Variants in VWDE observed in about 807,000 individuals in gnomAD.
The protein encoded by VWDE is von Willebrand factor D and EGF domain-containing protein.
VWDE carries 207 observed loss-of-function variants against 178.4 expected under a neutral mutation model. The ratio of observed to expected loss-of-function variants is 1.16; its 90% confidence interval spans 1.04 to 1.30. The LOEUF is 1.30. Among genes scored for constraint, VWDE ranks in the 50% most tolerant of loss-of-function variants. VWDE has a pLI of 0.00. For missense variants in VWDE, 2,287 were observed against 1,901.3 expected (o/e 1.20, Z -3.77); for synonymous variants, 738 against 651.4 (o/e 1.13, Z -2.02).
At chr7:12,379,655 C>A in intron 5 of VWDE, 89 bp from the exon 6 acceptor site, 3 of 851,848 alleles carry the variant, frequency 3.5e-6, no homozygotes, top group South Asian at 1.9e-5. Flanking sequence ...AAATTTAATT[C>A]TTCATAGATA....
At chr7:12,359,791 G>C in intron 15 of VWDE, 99 bp from the exon 16 acceptor site, 1 of 665,606 alleles carries the variant, frequency 1.5e-6, no homozygotes, top group South Asian at 2.2e-5. Context: ...TGATTCCAAC[G>C]AAAGCACATA....
rs1783302895 is a variant in VWDE at position 12,373,113 on chromosome 7, T to C, written c.1451A>G (p.Gln484Arg). 6.4e-7 allele frequency: 1 copy of C among 1,551,264 alleles called. No individual in the cohort carries two copies. Among genetic ancestry groups the C allele is most frequent in the Admixed American group, 2.0e-5 (1 of 50,948 alleles). Reference protein sequence around the residue: ...PVSCNCGFVAQEGGDIVTFDM... With the variant: ...PVSCNCGFVAREGGDIVTFDM... The stretch of plus-strand genomic sequence containing the variant: ...AAAAGTAACTATATCACCTCCTTCC[T>C]GGGCAACAAACCCACAATTACATGA... The change falls in exon 10 of 29, where the codon CAG (glutamine) becomes CGG (arginine). Residue 484 changes from glutamine to arginine, a missense_variant. Transcript: ENST00000275358.
Position 12,403,864 on chromosome 7 carries a change from C to A in VWDE, c.-148G>T. The stretch of plus-strand genomic sequence containing the variant: ...AACAGGGAAGCTCCGCGTCCTCGTT[C>A]TGGGGTGCACCCAGTCCTTTCGTGG... On this transcript the variant is annotated 5_prime_UTR_variant, in exon 1 of 29. Transcript: ENST00000275358. The A allele has an allele frequency of 1.3e-6, 1 of 774,606 alleles. No homozygotes were observed. Among genetic ancestry groups the A allele is most frequent in the South Asian group, 1.9e-5 (1 of 53,702 alleles). The allele number at this position is 774,606 out of a possible 1,614,324, so 48.0% of individuals were successfully genotyped here.
intron 3 of VWDE, among the ~76,000 whole-genome samples, chr7:12,384,705 C>T (rs114330277): frequency 6.6e-6 from 1 of 151,988 alleles, no homozygotes; most frequent in East Asian, 1.9e-4. Flanking sequence ...AATCAATTCC[C>T]CATACTCATT....
chr7:12,358,235 A>T (rs899646844), intron 16 of VWDE, among the ~76,000 whole-genome samples: 4 of 152,016 alleles, frequency 2.6e-5, no homozygotes, highest in Non-Finnish European at 5.9e-5. Flanking sequence ...ATTAGCAGGC[A>T]TGGTGGTGGG....
In VWDE at chr7:12,380,674, A is replaced by T; in HGVS notation, c.601T>A (p.Leu201Met). ...CTACAGAAAAGCCTGGACTCAATCA[A>T]CTCCACCAGAACCTCTGGCCTTCCT... ...PAGRPEVLVELIESRLFCRCS... is the reference protein window; with the variant it reads ...PAGRPEVLVEMIESRLFCRCS... The change falls in exon 5 of 29, where the codon TTG (leucine) becomes ATG (methionine). Residue 201 changes from leucine to methionine, a missense_variant. Transcript: ENST00000275358. The T allele has an allele frequency of 6.4e-7, 1 of 1,551,940 alleles. No individual in the cohort carries two copies. Among genetic ancestry groups the T allele is most frequent in the African/African-American group, 1.4e-5 (1 of 73,100 alleles).
At chr7:12,389,045 C>T (rs559624341) in intron 3 of VWDE, 82 bp downstream of exon 3, 1 of 989,630 alleles carries the variant, frequency 1.0e-6, no homozygotes, top group East Asian at 2.6e-5. Context: ...TTTGCACTAA[C>T]TCAATACAAC....
intron 1 of VWDE, among the ~76,000 whole-genome samples, chr7:12,402,423 A>G (rs1419292650): frequency 6.6e-6 from 1 of 152,218 alleles, no homozygotes; most frequent in East Asian, 1.9e-4. Flanking sequence ...ATTAAACATA[A>G]AGAACTTGAC....
At chr7:12,358,120 T>A (rs190167390) in intron 16 of VWDE, among the ~76,000 whole-genome samples, 3 of 152,260 alleles carry the variant, frequency 2.0e-5, no homozygotes, top group African/African-American at 7.2e-5. Flanking sequence ...CTCACACCTG[T>A]AATCCCAGTA....
rs1781695474 is a variant in VWDE, at chr7:12,347,854, T to G, written c.3887-3385A>C. On this transcript the variant is annotated intron_variant, in intron 19 of 28. Coordinates refer to ENST00000275358, the MANE Select transcript of VWDE (RefSeq NM_001135924.3). Reference sequence around the variant, plus strand: ...CAAGGCTACAGTAACCAAAACAGCATGGCACTGGTACCAAAACAGAGATAT... The same window carrying G: ...CAAGGCTACAGTAACCAAAACAGCAGGGCACTGGTACCAAAACAGAGATAT... Among the ~76,000 whole-genome samples, 4 of 152,184 alleles carry G rather than the reference T, an allele frequency of 2.6e-5. No homozygotes were observed. The South Asian group carries it at 8.3e-4, about 32-fold the overall frequency.
At chr7:12,398,656 T>C (rs1211941358) in intron 1 of VWDE, among the ~76,000 whole-genome samples, 1 of 152,124 alleles carries the variant, frequency 6.6e-6, no homozygotes, top group Non-Finnish European at 1.5e-5. Context: ...GTGCAGGATG[T>C]AGACTAAACC....
chr7:12,374,959 A>G, intron 8 of VWDE, 51 bp downstream of exon 8: 1 of 1,489,888 alleles, frequency 6.7e-7, no homozygotes, highest in Non-Finnish European at 9.1e-7. Flanking sequence ...GATAAAATAC[A>G]CATTTCTTCT....
intron 13 of VWDE, among the ~76,000 whole-genome samples, chr7:12,362,315 G>T (rs2128553593): frequency 6.6e-6 from 1 of 151,954 alleles, no homozygotes; most frequent in South Asian, 2.1e-4. Flanking sequence ...TGAGAATTCA[G>T]CTACTTTCTT....
intron 19 of VWDE, among the ~76,000 whole-genome samples, chr7:12,347,843 C>T (rs1008237303): frequency 3.9e-5 from 6 of 151,998 alleles, no homozygotes; most frequent in African/African-American, 1.5e-4. Context: ...GCTACAGTAA[C>T]CAAAACAGCA....
intron 2 of VWDE, among the ~76,000 whole-genome samples, chr7:12,391,913 A>C (rs190458432): frequency 1.3e-5 from 2 of 152,302 alleles, no homozygotes; most frequent in African/African-American, 2.4e-5. Flanking sequence ...AAGAAAATCG[A>C]CTTTAAGAAT....
chr7:12,349,173 A>G (rs980708345), intron 19 of VWDE, among the ~76,000 whole-genome samples: 10 of 151,962 alleles, frequency 6.6e-5, no homozygotes, highest in Non-Finnish European at 1.3e-4. Flanking sequence ...ACATGTATAC[A>G]TATGTAACTA....
In VWDE at chr7:12,370,202, TG is replaced by T. The variant is rs1562494719; in HGVS notation, c.2103del (p.His701GlnfsTer2). 1 of 1,551,296 alleles carries T rather than the reference TG, an allele frequency of 6.4e-7. No individual in the cohort carries two copies. Among genetic ancestry groups the T allele is most frequent in the Admixed American group, 2.0e-5 (1 of 50,928 alleles). ...TTTAAGCCGAGTTTAGTCAGGTTTATGTGTTTTTTTTCTTGCAGAAATAAAT... is the reference window on the plus strand; with the variant it reads ...TTTAAGCCGAGTTTAGTCAGGTTTATTGTTTTTTTTCTTGCAGAAATAAAT... ...NLNLFLQEKKHINLTKLGLNV... is the reference protein window; with the variant it reads ...NLNLFLQEKKXINLTKLGLNV... On this transcript the variant is annotated frameshift_variant, in exon 12 of 29. Transcript: ENST00000275358. LOFTEE classifies it high-confidence loss of function.
At chr7:12,362,952 A>G (rs560448736) in intron 13 of VWDE, among the ~76,000 whole-genome samples, 1 of 152,058 alleles carries the variant, frequency 6.6e-6, no homozygotes, top group Non-Finnish European at 1.5e-5. Context: ...GGCAATATAG[A>G]GATTATTCCC....
intron 13 of VWDE, among the ~76,000 whole-genome samples, chr7:12,366,577 C>T (rs763560528): frequency 1.1e-4 from 17 of 152,082 alleles, no homozygotes; most frequent in Non-Finnish European, 1.9e-4. Context: ...CCCATAAAAT[C>T]CTGAAGTTAG....
Sources: gnomAD v4.1 joint callset for allele counts (sites outside exome capture counted in the v4.1 genomes callset) on GRCh38, gnomAD v4.1.1 for gene constraint, MANE v1.5 for transcripts, NCBI Gene and HGNC (gene_info 2026-07-23, HGNC 2026-07-21) for gene names.